Variants in WWP2 observed in about 807,000 individuals in gnomAD.
The protein encoded by WWP2 is WW domain containing E3 ubiquitin protein ligase 2.
A neutral mutation model predicts 121.0 loss-of-function variants in WWP2; 57 were observed. The ratio of observed to expected loss-of-function variants is 0.47; its 90% CI spans 0.38 to 0.59. The LOEUF is 0.59. WWP2 is among the 20% of genes least tolerant of loss of function. The probability of loss-of-function intolerance (pLI) is 0.00; values close to 1 mark genes in which losing one functional copy is unlikely to be tolerated. For missense variants in WWP2, 962 were observed against 1,158.9 expected, an observed-to-expected ratio of 0.83 and a Z score of 2.47; for synonymous variants, 449 against 441.3, an observed-to-expected ratio of 1.02 and a Z score of -0.22.
intron 9 of WWP2, chr16:69,909,196 T>C: frequency 9.8e-7 from 1 of 1,020,368 alleles, no homozygotes; most frequent in Non-Finnish European, 1.2e-6. Flanking sequence ...AACCAAAGGA[T>C]GAGAGAGGCT....
At chr16:69,822,345 G>GC (rs1339939498) in intron 4 of WWP2, among the ~76,000 whole-genome samples, 2 of 152,178 alleles carry the variant, frequency 1.3e-5, no homozygotes, top group Admixed American at 1.3e-4. Context: ...TGAATTCCGA[G>GC]CTAGAGGCTG....
rs968793131 is a variant in WWP2 at position 69,866,831 on chromosome 16, T to C, written c.576-4973T>C. Among the ~76,000 whole-genome samples, 46 of 150,594 alleles carry C rather than the reference T, an allele frequency of 3.1e-4. 1 individual carries two copies. The highest frequency in any genetic ancestry group is 1.1e-3 in the African/African-American group (46 of 41,246). Reference sequence around the variant, plus strand: ...ATTTATTTATTTATTTATTTATTTATTTATTTATTTATTTATTTATTTTTG... The same window carrying C: ...ATTTATTTATTTATTTATTTATTTACTTATTTATTTATTTATTTATTTTTG... On this transcript the variant is annotated intron_variant, in intron 6 of 23. Coordinates refer to ENST00000359154, the MANE Select transcript of WWP2 (RefSeq NM_001270454.2).
chr16:69,893,122 G>A (rs2058054747), intron 8 of WWP2, among the ~76,000 whole-genome samples: 2 of 152,200 alleles, frequency 1.3e-5, no homozygotes, highest in African/African-American at 4.8e-5. Context: ...TTGCCATCTT[G>A]TCCATTAATT....
chr16:69,938,979 C>T, intron 21 of WWP2, 48 bp from the exon 22 acceptor site: 5 of 1,539,446 alleles, frequency 3.2e-6, no homozygotes, highest in Non-Finnish European at 3.5e-6. Flanking sequence ...GGGCAAAGTA[C>T]TGGGCCCCGT....
chr16:69,771,305 G>A (rs1224283123), intron 1 of WWP2, among the ~76,000 whole-genome samples: 1 of 152,058 alleles, frequency 6.6e-6, no homozygotes, highest in Non-Finnish European at 1.5e-5. Flanking sequence ...CTGGAGTGCA[G>A]TGTGCTATCT....
chr16:69,927,154 A>T (rs965910396), intron 11 of WWP2, among the ~76,000 whole-genome samples: 1 of 152,362 alleles, frequency 6.6e-6, no homozygotes, highest in African/African-American at 2.4e-5. Context: ...GAGGAAGAAC[A>T]TTCTGGCTAA....
chr16:69,938,925 C>T, intron 21 of WWP2, 102 bp from the exon 22 acceptor site: 2 of 1,032,304 alleles, frequency 1.9e-6, no homozygotes, highest in Admixed American at 4.3e-5. Flanking sequence ...TTTGTGTTCT[C>T]AGCCCCAAAG....
At chr16:69,852,700 G>A (rs1447812040) in intron 6 of WWP2, among the ~76,000 whole-genome samples, 1 of 152,038 alleles carries the variant, frequency 6.6e-6, no homozygotes, top group East Asian at 1.9e-4. Flanking sequence ...TGAGTTTTAA[G>A]CATTTTTTGT....
intron 1 of WWP2, among the ~76,000 whole-genome samples, chr16:69,784,738 G>C (rs528670808): frequency 1.3e-5 from 2 of 152,078 alleles, no homozygotes; most frequent in African/African-American, 4.8e-5. Context: ...GAAAAAGCAC[G>C]GTTGTTTGAA....
chr16:69,807,400 C>G (rs758374464), intron 4 of WWP2, among the ~76,000 whole-genome samples: 1 of 151,842 alleles, frequency 6.6e-6, no homozygotes, highest in Admixed American at 6.6e-5. Context: ...TGAATTTTCA[C>G]CCCTGGATAT....
chr16:69,832,143 G>GTTTGT (rs918322515), intron 4 of WWP2, among the ~76,000 whole-genome samples: 64 of 151,888 alleles, frequency 4.2e-4, no homozygotes, highest in East Asian at 1.9e-3. Flanking sequence ...TTGTTTGTTT[G>GTTTGT]TTTGTTTTGT....
Position 69,768,783 on chromosome 16 carries a change from G to A in WWP2, c.-16+6392G>A, listed in dbSNP as rs28502677. Among the ~76,000 whole-genome samples, 302 of 152,250 alleles carry A rather than the reference G, an allele frequency of 2.0e-3. 3 individuals are homozygous for A. Among genetic ancestry groups the A allele is most frequent in the African/African-American group, 6.9e-3 (285 of 41,532 alleles). On this transcript the variant is annotated intron_variant, in intron 1 of 23. Transcript: ENST00000359154. ...CTGTAATTCCACGGGGCTTCCAATA[G>A]TGTACCTCCCTGCTCCCTCCCGTTT... is the stretch of plus-strand genomic sequence containing the variant.
In WWP2 at chr16:69,936,413, G is replaced by A; in HGVS notation, c.2078G>A (p.Ser693Asn). The A allele has an allele frequency of 1.2e-6, 2 of 1,614,110 alleles. No individual in the cohort carries two copies. The highest frequency in any genetic ancestry group is 1.7e-6 in the Non-Finnish European group (2 of 1,180,038). Residue 693 changes from serine to asparagine, a missense_variant, in exon 19 of 24, where the codon AGC becomes AAC. This residue lies in a region of WWP2 where 606 missense variants were observed against 772.6 expected (regional missense o/e 0.78). Coordinates refer to ENST00000359154, the MANE Select transcript of WWP2 (RefSeq NM_001270454.2). ...CACGAGCTGAAGGAGGGCGGCGAGA[G>A]CATCCGGGTCACAGAGGAGAACAAG... ...TTHELKEGGE[S>N]IRVTEENKEE...
At chr16:69,814,952 A>C (rs941651292) in intron 4 of WWP2, among the ~76,000 whole-genome samples, 2 of 152,088 alleles carry the variant, frequency 1.3e-5, no homozygotes, top group African/African-American at 4.8e-5. Context: ...TCAGTTAAAA[A>C]CAACTTTAAA....
chr16:69,777,803 A>G (rs189190035), intron 1 of WWP2, among the ~76,000 whole-genome samples: 1 of 150,876 alleles, frequency 6.6e-6, no homozygotes, highest in East Asian at 1.9e-4. Context: ...GTGGTGGCTC[A>G]TGCTTGTAAT....
In WWP2 at chr16:69,787,099, T is replaced by C; in HGVS notation, c.70+19T>C. ...TTGAAAGGTGAGTGGCACTGTATAA[T>C]GTCTTCATCTTGTCTACGCCCAGGG... is the stretch of plus-strand genomic sequence containing the variant. On this transcript the variant is annotated intron_variant, in intron 2 of 23. Coordinates refer to ENST00000359154, the MANE Select transcript of WWP2 (RefSeq NM_001270454.2). The C allele has an allele frequency of 6.2e-7, 1 of 1,600,706 alleles. No individual in the cohort carries two copies.
chr16:69,833,112 G>A (rs1234156190), intron 4 of WWP2, among the ~76,000 whole-genome samples: 2 of 152,218 alleles, frequency 1.3e-5, no homozygotes, highest in African/African-American at 4.8e-5. Flanking sequence ...CCCTGCCTTG[G>A]CCTCCCAAAG....
At chr16:69,806,337 G>A (rs1268163211) in intron 4 of WWP2, among the ~76,000 whole-genome samples, 1 of 152,114 alleles carries the variant, frequency 6.6e-6, no homozygotes, top group Non-Finnish European at 1.5e-5. Context: ...ATTTTATATT[G>A]GGGTTTTCCA....
chr16:69,796,177 C>T (rs1167836928), intron 2 of WWP2, among the ~76,000 whole-genome samples: 2 of 152,100 alleles, frequency 1.3e-5, no homozygotes, highest in Non-Finnish European at 2.9e-5. Context: ...GAAATACACC[C>T]AGAAATATTT....
Sources: gnomAD v4.1 joint callset for allele counts (sites outside exome capture counted in the v4.1 genomes callset) on GRCh38, gnomAD v4.1.1 for gene constraint, gnomAD v4.1.1 regional missense constraint, MANE v1.5 for transcripts, NCBI Gene and HGNC (gene_info 2026-07-23, HGNC 2026-07-21) for gene names.